The following PDE1C variants were observed in gnomAD, a reference collection of about 807,000 sequenced individuals.
PDE1C encodes phosphodiesterase 1C.
A neutral mutation model predicts 93.1 loss-of-function variants in PDE1C; 62 were observed. That is an observed-to-expected ratio of 0.67 (90% confidence interval 0.54 to 0.82). The LOEUF (loss-of-function observed/expected upper bound fraction) is 0.82, where lower values mean the gene tolerates loss of function less well. PDE1C is among the 40% of genes least tolerant of loss of function. The pLI is 0.00. For synonymous variants in PDE1C, 325 were observed against 310.1 expected (o/e 1.05, Z -0.50); for missense variants, 742 against 884.6 (o/e 0.84, Z 2.04).
intron 1 of PDE1C, among the ~76,000 whole-genome samples, chr7:32,358,897 C>CTGTGTGTGTGTGTGTGTGTCTGTGTGTG (rs71559224): frequency 1.4e-5 from 2 of 145,300 alleles, no homozygotes; most frequent in Non-Finnish European, 3.0e-5. Flanking sequence ...GTGTGTGTGT[C>CTGTGTGTGTGTGTGTGTGTCTGTGTGTG]TGTGTGTGTG....
At chr7:31,827,242 T>A (rs1789794686) in intron 12 of PDE1C, among the ~76,000 whole-genome samples, 1 of 152,136 alleles carries the variant, frequency 6.6e-6, no homozygotes, top group South Asian at 2.1e-4. Context: ...GCTTTGTATA[T>A]GCTACATTCT....
At chr7:31,803,928 G>A (rs1202454765) in intron 16 of PDE1C, among the ~76,000 whole-genome samples, 3 of 151,966 alleles carry the variant, frequency 2.0e-5, no homozygotes, top group Admixed American at 6.6e-5. Context: ...TGGGATGGCT[G>A]GGTCAAATGG....
chr7:32,422,622 A>G (rs1339347513), intron 1 of PDE1C, among the ~76,000 whole-genome samples: 1 of 152,188 alleles, frequency 6.6e-6, no homozygotes, highest in East Asian at 1.9e-4. Flanking sequence ...TTCACTTAGG[A>G]TAATGGCCTC....
chr7:31,776,644 A>C (rs1782992371), intron 16 of PDE1C, among the ~76,000 whole-genome samples: 1 of 152,048 alleles, frequency 6.6e-6, no homozygotes. Flanking sequence ...ATACACACAG[A>C]CACATATATG....
In PDE1C at chr7:32,035,935, T is replaced by G. The variant is rs367619257; in HGVS notation, c.128+15619A>C. Among the ~76,000 whole-genome samples, 6 of 152,282 alleles carry G rather than the reference T, an allele frequency of 3.9e-5. No homozygotes were observed. The South Asian group carries it at 1.0e-3, about 26-fold the overall frequency. On this transcript the variant is annotated intron_variant, in intron 2 of 17. Transcript: ENST00000396191. Reference sequence around the variant, plus strand: ...AAACTGACTTGAAGGGAGAGAAATTTCATCTTGACCCCCTTGGATAATGAA... The same window carrying G: ...AAACTGACTTGAAGGGAGAGAAATTGCATCTTGACCCCCTTGGATAATGAA...
intron 9 of PDE1C, among the ~76,000 whole-genome samples, chr7:31,843,776 TTGAGA>T (rs1387967281): frequency 2.0e-5 from 3 of 151,864 alleles, no homozygotes; most frequent in East Asian, 1.9e-4. Flanking sequence ...ACTTTTCTGC[TTGAGA>T]TATTTTTTGT....
At chr7:32,362,914 C>G (rs760137675) in intron 1 of PDE1C, among the ~76,000 whole-genome samples, 7 of 152,312 alleles carry the variant, frequency 4.6e-5, no homozygotes, top group Non-Finnish European at 8.8e-5. Flanking sequence ...TACACATGAC[C>G]TTTATGGTGG....
rs143433782 is a variant in PDE1C at position 31,816,122 on chromosome 7, C to A, written c.1615G>T (p.Ala539Ser). The part of the protein sequence containing the change: ...EKAKKEAEEK[A>S]RLAAEEQQKE... ...TGCTGCTCCTCTGCGGCCAGGCGAG[C>A]CTTTTCCTCTGCTTCCTTCTTGGCC... is the stretch of plus-strand genomic sequence containing the variant. The change falls in exon 15 of 18, where the codon GCT becomes TCT. Residue 539 changes from alanine to serine, a missense_variant. Physicochemically the swap from Ala to Ser is moderately conservative, Grantham distance 99. Coordinates refer to ENST00000396191, the MANE Select transcript of PDE1C (RefSeq NM_001191057.4). The A allele has an allele frequency of 3.0e-5, 48 of 1,613,796 alleles. No individual in the cohort carries two copies. Among genetic ancestry groups the A allele is most frequent in the African/African-American group, 4.0e-5 (3 of 74,864 alleles).
chr7:31,914,591 T>C (rs968264496), intron 2 of PDE1C, among the ~76,000 whole-genome samples: 4 of 152,218 alleles, frequency 2.6e-5, no homozygotes, highest in African/African-American at 9.6e-5. Flanking sequence ...ATTAGGTAAA[T>C]TGATTCCTTT....
intron 2 of PDE1C, among the ~76,000 whole-genome samples, chr7:31,946,253 C>T (rs1170986137): frequency 1.3e-5 from 2 of 152,090 alleles, no homozygotes; most frequent in East Asian, 3.9e-4. Flanking sequence ...GCATCTCTGA[C>T]ATAATGTAAA....
intron 16 of PDE1C, among the ~76,000 whole-genome samples, chr7:31,780,725 A>G (rs1392038910): frequency 6.6e-6 from 1 of 152,216 alleles, no homozygotes; most frequent in Non-Finnish European, 1.5e-5. Flanking sequence ...ACTGTGTCAT[A>G]CAACACAGTT....
At chr7:32,237,742 G>GTGTATATATATATATA (rs1554293052) in intron 1 of PDE1C, among the ~76,000 whole-genome samples, 8 of 31,232 alleles carry the variant, frequency 2.6e-4, no homozygotes, top group African/African-American at 1.0e-3. Flanking sequence ...TTGGCTCTGT[G>GTGTATATATATATATA]TATATATATA....
rs540743738 is a variant in PDE1C, at chr7:32,381,309, C to G, written c.310+46513G>C. Among the ~76,000 whole-genome samples the G allele has an allele frequency of 2.0e-5, 3 of 152,030 alleles. No homozygotes were observed. In the East Asian group the frequency reaches 5.9e-4, roughly 30 times the overall value. ...CCGTTTCCCTTACCTGAAATCCCACCCCACCTGCGTTTTCACTCTGCAGCC... is the reference window on the plus strand; with the variant it reads ...CCGTTTCCCTTACCTGAAATCCCACGCCACCTGCGTTTTCACTCTGCAGCC... On this transcript the variant is annotated intron_variant, in intron 1 of 1. Transcript: ENST00000672256.
At chr7:31,724,030 G>A in the PDE1C span, among the ~76,000 whole-genome samples, 1 of 152,112 alleles carries the variant, frequency 6.6e-6, no homozygotes, top group Non-Finnish European at 1.5e-5. Flanking sequence ...GCTAGCTTGC[G>A]ATCTATTTAT....
At chr7:32,383,354 G>C in intron 1 of PDE1C, among the ~76,000 whole-genome samples, 1 of 152,212 alleles carries the variant, frequency 6.6e-6, no homozygotes. Context: ...GCTGAGGTTT[G>C]AGTCCAAGCT....
At chr7:31,837,733 C>T in intron 10 of PDE1C, 137 bp downstream of exon 10, 1 of 607,898 alleles carries the variant, frequency 1.6e-6, no homozygotes, top group Non-Finnish European at 2.9e-6. Context: ...TATGCTTTCT[C>T]CTTCAAACAT....
intron 1 of PDE1C, among the ~76,000 whole-genome samples, chr7:32,343,091 C>G (rs1293339163): frequency 1.3e-5 from 2 of 152,142 alleles, no homozygotes; most frequent in African/African-American, 4.8e-5. Context: ...AATCGGCCAC[C>G]AGAGGCTGCC....
chr7:32,014,769 G>A (rs938307578), intron 2 of PDE1C, among the ~76,000 whole-genome samples: 1 of 152,264 alleles, frequency 6.6e-6, no homozygotes, highest in African/African-American at 2.4e-5. Flanking sequence ...TTTCATCCAT[G>A]TCTTTTTAAC....
At chr7:32,096,061 T>C (rs1306103342) in intron 3 of PDE1C, among the ~76,000 whole-genome samples, 1 of 152,238 alleles carries the variant, frequency 6.6e-6, no homozygotes, top group East Asian at 1.9e-4. Context: ...GTACCTTTGC[T>C]ACATGACATC....
Sources: allele counts gnomAD v4.1 joint callset (sites outside exome capture counted in the v4.1 genomes callset), GRCh38; gene constraint gnomAD v4.1.1; transcripts MANE v1.5; gene names NCBI Gene and HGNC (gene_info 2026-07-23, HGNC 2026-07-21).